Variants in ESYT2 observed in about 807,000 individuals in gnomAD.
ESYT2 encodes the protein extended synaptotagmin-2.
ESYT2 carries 54 observed loss-of-function variants against 107.2 expected under a neutral mutation model. The observed-to-expected ratio is 0.50, with a 90% CI of 0.40 to 0.63. ESYT2 has a LOEUF of 0.63. Among genes scored for constraint, ESYT2 ranks in the 30% least tolerant of loss-of-function variants. The pLI, the probability that ESYT2 is intolerant of heterozygous loss-of-function variation, is 0.00. For synonymous variants in ESYT2, 491 were observed against 434.1 expected, an observed-to-expected ratio of 1.13 and a Z score of -1.63; for missense variants, 1,020 against 1,094.5, an observed-to-expected ratio of 0.93 and a Z score of 0.96.
In ESYT2 at chr7:158,829,181, T is replaced by G. The variant is rs1378258187; in HGVS notation, c.238A>C (p.Lys80Gln). Residue 80 changes from lysine to glutamine, a missense_variant, in exon 1 of 23, where the codon AAG becomes CAG. Physicochemically the swap from Lys to Gln is moderately conservative, Grantham distance 53 (BLOSUM62 1). Transcript: ENST00000275418. ...LAWCRRSRGL[K>Q]ALRLCRALAL... ...AGCGCGCGGCACAGGCGCAGGGCCT[T>G]GAGGCCGCGGCTGCGGCGACACCAG... The G allele has an allele frequency of 3.9e-6, 6 of 1,539,750 alleles. No individual in the cohort carries two copies. The African/African-American group carries it at 7.0e-5, about 18-fold the overall frequency.
chr7:158,734,606 T>G lies in ESYT2; in HGVS notation c.2506-135A>C, dbSNP rs1024651190. ...GAGTTTGAGACCAGCCTGGGCAAGA[T>G]AGTGAAACCTTGTCTCTATTAAAAG... On this transcript the variant is annotated intron_variant, in intron 21 of 22. Coordinates refer to ENST00000275418, the MANE Select transcript of ESYT2 (RefSeq NM_001367773.1). The G allele has an allele frequency of 6.8e-6, 5 of 730,346 alleles. No homozygotes were observed. The East Asian group carries it at 1.3e-4, about 19-fold the overall frequency. 45.2% of individuals were successfully genotyped at this position (730,346 alleles called of 1,614,324 possible).
intron 8 of ESYT2, among the ~76,000 whole-genome samples, chr7:158,765,508 T>C (rs548598398): frequency 4.0e-5 from 6 of 151,296 alleles, no homozygotes; most frequent in African/African-American, 1.5e-4. Context: ...CCGAGGTGGG[T>C]AGATCAATTG....
At chr7:158,794,553 G>T (rs1181828274) in intron 3 of ESYT2, among the ~76,000 whole-genome samples, 1 of 152,144 alleles carries the variant, frequency 6.6e-6, no homozygotes, top group East Asian at 1.9e-4. Flanking sequence ...CACTTTGGCA[G>T]GTGGAGGCGG....
intron 1 of ESYT2, among the ~76,000 whole-genome samples, chr7:158,826,878 T>A (rs1840466704): frequency 6.6e-6 from 1 of 150,764 alleles, no homozygotes; most frequent in South Asian, 2.1e-4. Flanking sequence ...CTGTACAGTC[T>A]GTGTGGCCGG....
At chr7:158,806,649 T>C (rs1248663020) in intron 1 of ESYT2, among the ~76,000 whole-genome samples, 2 of 152,188 alleles carry the variant, frequency 1.3e-5, no homozygotes, top group Admixed American at 6.5e-5. Flanking sequence ...AAGCATATTC[T>C]CACAAAATTC....
chr7:158,782,509 A>G (rs1173366552), intron 6 of ESYT2, among the ~76,000 whole-genome samples: 3 of 147,088 alleles, frequency 2.0e-5, no homozygotes, highest in Non-Finnish European at 3.0e-5. Flanking sequence ...AAGTGAGAAC[A>G]AGTGTGAGTG....
At chr7:158,821,577 C>T (rs866000608) in intron 1 of ESYT2, among the ~76,000 whole-genome samples, 1 of 152,240 alleles carries the variant, frequency 6.6e-6, no homozygotes, top group African/African-American at 2.4e-5. Context: ...GTCCCTGCAT[C>T]CTGTAAATCA....
Position 158,749,261 on chromosome 7 carries a change from C to T in ESYT2, c.1557+388G>A, listed in dbSNP as rs113134344. On this transcript the variant is annotated intron_variant, in intron 15 of 22. Transcript: ENST00000275418. The stretch of plus-strand genomic sequence containing the variant: ...AGCTGGGATTACAGGCACCCGGCAC[C>T]GCACCCGGCACCATGCCCGACTAAG... Among the ~76,000 whole-genome samples the T allele has an allele frequency of 5.4e-3, 812 of 150,702 alleles. 8 individuals carry two copies. Among genetic ancestry groups the T allele is most frequent in the African/African-American group, 0.019 (768 of 40,206 alleles).
chr7:158,747,817 A>G (rs1393291545), intron 16 of ESYT2, among the ~76,000 whole-genome samples: 1 of 152,228 alleles, frequency 6.6e-6, no homozygotes, highest in Non-Finnish European at 1.5e-5. Context: ...TCTTACTCAC[A>G]GGTAAATGGA....
rs1203818473 is a variant in ESYT2 at position 158,741,560 on chromosome 7, T to A, written c.2131A>T (p.Thr711Ser). The stretch of plus-strand genomic sequence containing the variant: ...CTCAGCCTTTGCCGCAGCTCCTGGG[T>A]GGCGATGGGCAGCGAGATGTCCGAG... ...IASDISLPIA[T>S]QELRQRLRQL... Residue 711 changes from threonine (T) to serine (S), a missense_variant, in exon 18 of 23, where the codon ACC (threonine) becomes TCC (serine). Transcript: ENST00000275418. 2 of 1,601,676 alleles carry A rather than the reference T, an allele frequency of 1.2e-6. No homozygotes were observed.
At position 158,825,207 on chromosome 7, in the gene ESYT2, C is replaced by T. The variant is rs112827247; in HGVS notation, c.330+3882G>A. Among the ~76,000 whole-genome samples the T allele has an allele frequency of 6.2e-3, 944 of 152,248 alleles. 9 individuals are homozygous for T. Among genetic ancestry groups the T allele is most frequent in the African/African-American group, 0.02 (846 of 41,536 alleles). On this transcript the variant is annotated intron_variant, in intron 1 of 22. Coordinates refer to ENST00000275418, the MANE Select transcript of ESYT2 (RefSeq NM_001367773.1). ...ACTTGGGAGGCTGAGGCAGGAGAGT[C>T]GCTTAAACCCGGGAGGCAGAGGTTG...
At chr7:158,813,913 CA>C (rs1432720730) in intron 1 of ESYT2, among the ~76,000 whole-genome samples, 1 of 151,980 alleles carries the variant, frequency 6.6e-6, no homozygotes, top group African/African-American at 2.4e-5. Flanking sequence ...TCTCACAGAT[CA>C]AAAATGTTTA....
chr7:158,798,947 A>C, intron 2 of ESYT2, 84 bp downstream of exon 2: 3 of 1,392,394 alleles, frequency 2.2e-6, no homozygotes, highest in Non-Finnish European at 3.0e-6. Context: ...AATATTACCA[A>C]CATGCAAATC....
At chr7:158,777,126 G>A (rs142340814) in intron 6 of ESYT2, among the ~76,000 whole-genome samples, 3 of 152,144 alleles carry the variant, frequency 2.0e-5, no homozygotes, top group East Asian at 3.9e-4. Context: ...GCCTCTGAAA[G>A]TGCTGGGATT....
intron 4 of ESYT2, 141 bp from the exon 5 acceptor site, chr7:158,788,558 C>G (rs890936333): frequency 2.9e-6 from 2 of 691,874 alleles, no homozygotes; most frequent in Admixed American, 6.8e-5. Flanking sequence ...TAAAATGTGG[C>G]CCATCAAATT....
chr7:158,752,888 A>G lies in ESYT2; in HGVS notation c.1420-45T>C, dbSNP rs895887453. 19 of 1,213,014 alleles carry G rather than the reference A, an allele frequency of 1.6e-5. No homozygotes were observed. The African/African-American group carries it at 3.0e-4, about 19-fold the overall frequency. 75.1% of individuals were successfully genotyped at this position (1,213,014 alleles called of 1,614,324 possible). On this transcript the variant is annotated intron_variant, in intron 13 of 22. Transcript: ENST00000275418. ...CGAATATGCCAAGGGTTAATAAAAC[A>G]TGCAATGAAGTTTATGTAAGGTTAA...
chr7:158,806,911 T>C (rs1839847206), intron 1 of ESYT2, among the ~76,000 whole-genome samples: 1 of 152,142 alleles, frequency 6.6e-6, no homozygotes, highest in Non-Finnish European at 1.5e-5. Context: ...CTGGAATGGA[T>C]TAAAAGATAG....
At chr7:158,739,913 G>C (rs1056875172) in intron 18 of ESYT2, among the ~76,000 whole-genome samples, 2 of 141,504 alleles carry the variant, frequency 1.4e-5, no homozygotes, top group Non-Finnish European at 3.0e-5. Context: ...AGAAGACCTG[G>C]GGCCATGCCA....
intron 18 of ESYT2, among the ~76,000 whole-genome samples, chr7:158,739,449 C>T (rs942749819): frequency 2.6e-5 from 4 of 152,112 alleles, no homozygotes; most frequent in African/African-American, 2.4e-5. Context: ...TGGGTTCAAG[C>T]GATTCTCCTG....
Sources: allele counts gnomAD v4.1 joint callset (sites outside exome capture counted in the v4.1 genomes callset), GRCh38; gene constraint gnomAD v4.1.1; transcripts MANE v1.5; gene names NCBI Gene and HGNC (gene_info 2026-07-23, HGNC 2026-07-21).